The following BDP1 variants were observed in gnomAD, a reference collection of about 807,000 sequenced individuals.
BDP1 encodes the protein BDP1 general transcription factor IIIB subunit, also known as transcription factor TFIIIB component B'' homolog.
BDP1 carries 169 observed loss-of-function variants against 266.6 expected under a neutral mutation model. The ratio of observed to expected loss-of-function variants is 0.63; its 90% CI spans 0.56 to 0.72. The LOEUF is 0.72. BDP1 is among the 30% of genes least tolerant of loss of function. The pLI, the probability that BDP1 is intolerant of heterozygous loss-of-function variation, is 0.00. For synonymous variants in BDP1, 1,090 were observed against 1,022.4 expected, an observed-to-expected ratio of 1.07 and a Z score of -1.26; for missense variants, 3,015 against 3,053.8, an observed-to-expected ratio of 0.99 and a Z score of 0.30.
rs184000229 is a variant in BDP1 at position 71,463,609 on chromosome 5, C to T, written c.600-449C>T. Among the ~76,000 whole-genome samples, 542 of 152,032 alleles carry T rather than the reference C, an allele frequency of 3.6e-3. 9 individuals carry two copies. The highest frequency in any genetic ancestry group is 0.012 in the African/African-American group (501 of 41,472). ...AGCTAAGGTGGGAGGATTGCATGAT[C>T]CCAGGAGTTTGAGACCAGCCTGGGC... On this transcript the variant is annotated intron_variant, in intron 3 of 38. Transcript: ENST00000358731.
Position 71,512,370 on chromosome 5 carries a change from G to T in BDP1, c.4189G>T (p.Glu1397Ter), listed in dbSNP as rs1201977299. ...SSQTHESDKT[E>*]VQGIQSPDVP... is the part of the protein sequence containing the mutation. Reference sequence around the variant, plus strand: ...ACAGACTCATGAATCTGATAAAACAGAAGTCCAGGGGATTCAATCTCCAGA... The same window carrying T: ...ACAGACTCATGAATCTGATAAAACATAAGTCCAGGGGATTCAATCTCCAGA... The change falls in exon 18 of 39, where the codon GAA becomes TAA. Residue 1397 changes from glutamate (E) to a stop codon, truncating the protein, a stop_gained. Coordinates refer to ENST00000358731, the MANE Select transcript of BDP1 (RefSeq NM_018429.3). LOFTEE classifies it high-confidence loss of function. 6.3e-7 allele frequency: 1 copy of T among 1,597,760 alleles called. No individual in the cohort carries two copies. The highest frequency in any genetic ancestry group is 8.5e-7 in the Non-Finnish European group (1 of 1,175,734).
At chr5:71,491,554 A>G (rs994699970) in intron 11 of BDP1, among the ~76,000 whole-genome samples, 2 of 151,924 alleles carry the variant, frequency 1.3e-5, no homozygotes, top group Non-Finnish European at 2.9e-5. Flanking sequence ...TAGATTTTTT[A>G]TGTGTACTAT....
downstream of BDP1, among the ~76,000 whole-genome samples, chr5:71,569,221 T>C (rs1224428108): frequency 2.0e-5 from 3 of 152,232 alleles, no homozygotes; most frequent in Non-Finnish European, 4.4e-5. Flanking sequence ...GTGCAGTGGC[T>C]CATGCCTGTA....
Position 71,467,420 on chromosome 5 carries a change from G to A in BDP1, c.852G>A (p.Glu284=), listed in dbSNP as rs779484262. Residue 284 remains glutamate (E), a synonymous_variant, in exon 6 of 39, where the codon GAG becomes GAA. Transcript: ENST00000358731. The part of the protein sequence containing the change: ...CVVEENDPIF[E]RGSTTTYSSF... ...TTGAAGAAAATGACCCCATATTTGA[G>A]CGCGGTTCTACAACTACATACTCCA... 6.2e-6 allele frequency: 10 copies of A among 1,610,766 alleles called. No homozygotes were observed. The highest frequency in any genetic ancestry group is 8.5e-6 in the Non-Finnish European group (10 of 1,177,220).
intron 9 of BDP1, among the ~76,000 whole-genome samples, chr5:71,487,119 A>G (rs1045638082): frequency 6.6e-5 from 10 of 152,176 alleles, no homozygotes; most frequent in South Asian, 4.1e-4. Flanking sequence ...TTTCTTAACT[A>G]TTTGAACTCT....
In BDP1 at chr5:71,461,868, C is replaced by T. The variant is rs771046845; in HGVS notation, c.541C>T (p.Arg181Cys). ...AAATGAAAGTCAGAGGCCACCAGAT[C>T]GTTCAAAAATGACTATGAGAGACTT... ...AINESQRPPD[R>C]SKMTMRDFIY... is the part of the protein sequence containing the mutation. Residue 181 changes from arginine (R) to cysteine (C), a missense_variant, in exon 3 of 39, where the codon CGT becomes TGT. Arg to Cys is a radical substitution (Grantham distance 180). This residue lies in a region of BDP1 where 2,383 missense variants were observed against 2,404.9 expected (regional missense o/e 0.99). Coordinates refer to ENST00000358731, the MANE Select transcript of BDP1 (RefSeq NM_018429.3). The T allele has an allele frequency of 4.4e-6, 7 of 1,607,210 alleles. No individual in the cohort carries two copies. The highest frequency in any genetic ancestry group is 4.3e-6 in the Non-Finnish European group (5 of 1,176,206).
chr5:71,532,374 A>G lies in BDP1; in HGVS notation c.5839A>G (p.Thr1947Ala). The G allele has an allele frequency of 6.2e-7, 1 of 1,613,584 alleles. No individual in the cohort carries two copies. The highest frequency in any genetic ancestry group is 1.1e-5 in the South Asian group (1 of 91,052). ...TGTTGTTGAACATGAGCTACCAAAC[A>G]CAGATGTGACTACTGAAGAAATGAA... ...IAVVEHELPN[T>A]DVTTEEMKQE... The change falls in exon 26 of 39, where the codon ACA becomes GCA. Residue 1947 changes from threonine to alanine, a missense_variant. Coordinates refer to ENST00000358731, the MANE Select transcript of BDP1 (RefSeq NM_018429.3).
At chr5:71,508,069 A>G (rs990009999) in intron 16 of BDP1, among the ~76,000 whole-genome samples, 3 of 149,866 alleles carry the variant, frequency 2.0e-5, no homozygotes, top group East Asian at 2.0e-4. Flanking sequence ...GGTTCCAGCT[A>G]TTTTCCTGCT....
At chr5:71,570,607 A>G (rs538229100), downstream of BDP1, among the ~76,000 whole-genome samples, 1 of 152,366 alleles carries the variant, frequency 6.6e-6, no homozygotes, top group Admixed American at 6.5e-5. Context: ...ACATGTAAAA[A>G]TACACTATGT....
intron 10 of BDP1, among the ~76,000 whole-genome samples, chr5:71,490,612 T>C (rs968069836): frequency 2.6e-5 from 4 of 152,332 alleles, no homozygotes; most frequent in East Asian, 3.9e-4. Flanking sequence ...ACTTAAGGGT[T>C]CCTGCCGCTT....
intron 31 of BDP1, 25 bp from the exon 32 acceptor site, chr5:71,545,014 A>T (rs769401798): frequency 9.9e-6 from 16 of 1,609,054 alleles, no homozygotes; most frequent in Non-Finnish European, 1.4e-5. Context: ...ATTTCAAATG[A>T]CATGCATGCT....
chr5:71,464,766 G>A (rs1460742204), intron 4 of BDP1, among the ~76,000 whole-genome samples: 2 of 141,468 alleles, frequency 1.4e-5, no homozygotes, highest in African/African-American at 2.6e-5. Flanking sequence ...GTCACCAGGC[G>A]GGAGTGCAGT....
intron 34 of BDP1, among the ~76,000 whole-genome samples, chr5:71,552,801 G>A (rs411050): frequency 0.29 from 44,335 of 151,128 alleles, 7,113 homozygotes; most frequent in East Asian, 0.48. Context: ...GCATCAGAGG[G>A]AGACCGTGGA....
intron 24 of BDP1, 37 bp from the exon 25 acceptor site, chr5:71,523,902 G>T (rs1459856567): frequency 1.1e-5 from 17 of 1,527,084 alleles, no homozygotes; most frequent in Non-Finnish European, 1.5e-5. Context: ...ATCCTTGCAT[G>T]CATATGACCT....
At chr5:71,545,281 A>G in intron 32 of BDP1, 62 bp downstream of exon 32, 2 of 1,352,500 alleles carry the variant, frequency 1.5e-6, no homozygotes, top group Non-Finnish European at 2.1e-6. Context: ...AAAAAAAAAA[A>G]GGTATAATTT....
rs554732578 is a variant in BDP1 at position 71,532,748 on chromosome 5, G to A, written c.5892+321G>A. The stretch of plus-strand genomic sequence containing the variant: ...TTGGTATTTATTTGCCTTTGCAAGC[G>A]GAGGCTTGAAATTGTAACTTTTTAA... On this transcript the variant is annotated intron_variant, in intron 26 of 38. Coordinates refer to ENST00000358731, the MANE Select transcript of BDP1 (RefSeq NM_018429.3). Among the ~76,000 whole-genome samples the A allele has an allele frequency of 5.9e-5, 9 of 152,272 alleles. 1 individual carries two copies. In the South Asian group the frequency reaches 1.0e-3, roughly 18 times the overall value.
At chr5:71,574,023 C>A in the BDP1 span, among the ~76,000 whole-genome samples, 1 of 152,152 alleles carries the variant, frequency 6.6e-6, no homozygotes, top group African/African-American at 2.4e-5. Flanking sequence ...GCCCTGGCAC[C>A]AGTGAGGTGT....
At chr5:71,457,679 G>T (rs1357250502) in intron 1 of BDP1, among the ~76,000 whole-genome samples, 3 of 152,024 alleles carry the variant, frequency 2.0e-5, no homozygotes, top group Non-Finnish European at 2.9e-5. Context: ...CTGTCATTAT[G>T]CATTCAACAT....
At chr5:71,534,645 G>A (rs753010587) in intron 26 of BDP1, among the ~76,000 whole-genome samples, 2 of 151,848 alleles carry the variant, frequency 1.3e-5, no homozygotes, top group African/African-American at 2.4e-5. Context: ...GACTACAGGC[G>A]CCCACCACAT....
Sources: allele counts gnomAD v4.1 joint callset (sites outside exome capture counted in the v4.1 genomes callset), GRCh38; gene constraint gnomAD v4.1.1; regional missense constraint gnomAD v4.1.1; transcripts MANE v1.5; gene names NCBI Gene and HGNC (gene_info 2026-07-23, HGNC 2026-07-21).